The following PTDSS2 variants were observed in gnomAD, a reference collection of about 807,000 sequenced individuals.
PTDSS2 encodes the protein phosphatidylserine synthase 2.
PTDSS2 carries 41 observed loss-of-function variants against 64.7 expected under a neutral mutation model. That is an observed-to-expected ratio of 0.63 (90% CI 0.49 to 0.82). The LOEUF (loss-of-function observed/expected upper bound fraction) is 0.82, where lower values mean the gene tolerates loss of function less well. Ranked by LOEUF, PTDSS2 falls within the 40% of genes least tolerant of loss-of-function variation. The probability of loss-of-function intolerance (pLI) is 0.00; values close to 1 mark genes in which losing one functional copy is unlikely to be tolerated. For synonymous variants in PTDSS2, 297 were observed against 277.8 expected (o/e 1.07, Z -0.69); for missense variants, 485 against 650.0 (o/e 0.75, Z 2.76).
intron 2 of PTDSS2, among the ~76,000 whole-genome samples, chr11:465,099 G>C (rs1280354672): frequency 2.0e-5 from 3 of 152,190 alleles, no homozygotes; most frequent in Admixed American, 2.0e-4. Context: ...GAACATCCAC[G>C]TGCAAATCTA....
intron 2 of PTDSS2, among the ~76,000 whole-genome samples, chr11:471,694 C>G (rs7947963): frequency 7.3e-6 from 1 of 136,072 alleles, no homozygotes; most frequent in Non-Finnish European, 1.6e-5. Context: ...GCGCGCCTGT[C>G]GGGCGGATGG....
chr11:452,572 G>A (rs907632736), intron 1 of PTDSS2, among the ~76,000 whole-genome samples: 5 of 152,342 alleles, frequency 3.3e-5, no homozygotes, highest in Middle Eastern at 6.8e-3. Flanking sequence ...CTCCAGGAGC[G>A]GGTGCAGCGG....
chr11:459,962 T>C, intron 1 of PTDSS2: 1 of 539,854 alleles, frequency 1.9e-6, no homozygotes, highest in Non-Finnish European at 3.3e-6. Context: ...ACGGGGCTCT[T>C]CCTGTCCAGC....
Position 460,124 on chromosome 11 carries a change from A to G in PTDSS2, c.183-63A>G. On this transcript the variant is annotated intron_variant, in intron 1 of 11. Coordinates refer to ENST00000308020, the MANE Select transcript of PTDSS2 (RefSeq NM_030783.3). The surrounding 1 kb of genome is among the most constrained non-coding windows in gnomAD (Gnocchi z 5.8). ...ACGTAGAGAGGATTTGGGGCCTGTT[A>G]CGTGAGTATTTAGCAATGCTGCCCA... 5.3e-6 allele frequency: 7 copies of G among 1,317,942 alleles called. No individual in the cohort carries two copies. The highest frequency in any genetic ancestry group is 7.6e-6 in the Non-Finnish European group (7 of 916,008). The allele number at this position is 1,317,942 out of a possible 1,614,324, so 81.6% of individuals were successfully genotyped here.
intron 4 of PTDSS2, 102 bp from the exon 5 acceptor site, chr11:486,837 G>C: frequency 6.9e-7 from 1 of 1,442,956 alleles, no homozygotes. Flanking sequence ...GACAGAGCGA[G>C]ACTCCATCTC....
upstream of PTDSS2, chr11:448,495 CG>C (rs1846187480): frequency 6.6e-6 from 1 of 152,220 alleles, no homozygotes; most frequent in Non-Finnish European, 1.5e-5. Context: ...CCAGGCCTGT[CG>C]GGTGATTGCT....
intron 2 of PTDSS2, among the ~76,000 whole-genome samples, chr11:471,099 T>A (rs970529468): frequency 4.0e-4 from 26 of 64,594 alleles, no homozygotes; most frequent in African/African-American, 1.8e-3. Flanking sequence ...AAGTAATTCT[T>A]TTTTTTTTTT....
chr11:461,145 G>A lies in PTDSS2; in HGVS notation c.284+857G>A, dbSNP rs1846863432. The A allele has an allele frequency of 6.6e-6, 1 of 152,234 alleles. No individual in the cohort carries two copies. Among genetic ancestry groups the A allele is most frequent in the East Asian group, 1.9e-4 (1 of 5,180 alleles). The allele number at this position is 152,234 out of a possible 1,614,324, so 9.4% of individuals were successfully genotyped here. On this transcript the variant is annotated intron_variant, in intron 2 of 11. Coordinates refer to ENST00000308020, the MANE Select transcript of PTDSS2 (RefSeq NM_030783.3). This position sits in a 1 kb window ranked among gnomAD's most constrained non-coding sequence, Gnocchi z 4.2. ...GGCTCTGGTTGGCGGGAGCCCTGGG[G>A]TTTGTAGGACTTAGCTGTCCCTACA... is the stretch of plus-strand genomic sequence containing the variant.
chr11:490,525 C>G lies in PTDSS2; in HGVS notation c.1407C>G (p.Asp469Glu), dbSNP rs151055800. Residue 469 changes from aspartate to glutamate, a missense_variant, in exon 12 of 12, where the codon GAC becomes GAG. Physicochemically the swap from Asp to Glu is conservative, Grantham distance 45. Coordinates refer to ENST00000308020, the MANE Select transcript of PTDSS2 (RefSeq NM_030783.3). ...GNGDQHPLGL[D>E]EDLLGPGVAE... ...GGGACCAGCACCCACTGGGGCTGGA[C>G]GAAGACCTGCTGGGGCCTGGGGTGG... 3 of 1,612,448 alleles carry G rather than the reference C, an allele frequency of 1.9e-6. No individual in the cohort carries two copies. Among genetic ancestry groups the G allele is most frequent in the Non-Finnish European group, 2.5e-6 (3 of 1,179,680 alleles).
chr11:473,836 C>T (rs1363107025), intron 2 of PTDSS2, 59 bp from the exon 3 acceptor site: 1 of 1,340,310 alleles, frequency 7.5e-7, no homozygotes, highest in Non-Finnish European at 1.1e-6. Flanking sequence ...TGCAGCCTCC[C>T]ACCTCCCTCC....
At chr11:480,926 A>G (rs1340732196) in intron 4 of PTDSS2, among the ~76,000 whole-genome samples, 1 of 152,002 alleles carries the variant, frequency 6.6e-6, no homozygotes, top group Non-Finnish European at 1.5e-5. Flanking sequence ...ACTGAAAAAT[A>G]CTAAAAAATT....
rs202037656 is a variant in PTDSS2, at chr11:489,955, G to A, written c.1188G>A (p.Val396=). Residue 396 remains valine (V), a synonymous_variant, in exon 11 of 12, where the codon GTG becomes GTA. Coordinates refer to ENST00000308020, the MANE Select transcript of PTDSS2 (RefSeq NM_030783.3). ...AAITATELLI[V]VKYDPHTLTL... is the part of the protein sequence containing the mutation. ...TCACGGCCACGGAGCTGCTCATCGTGGTGAAGTACGACCCCCACACGCTCA... is the reference window on the plus strand; with the variant it reads ...TCACGGCCACGGAGCTGCTCATCGTAGTGAAGTACGACCCCCACACGCTCA... 2.5e-6 allele frequency: 4 copies of A among 1,611,298 alleles called. No homozygotes were observed. The African/African-American group carries it at 4.0e-5, about 16-fold the overall frequency.
chr11:451,725 G>C (rs1385906444), intron 1 of PTDSS2, among the ~76,000 whole-genome samples: 1 of 152,210 alleles, frequency 6.6e-6, no homozygotes, highest in East Asian at 1.9e-4. Context: ...ACCACAGACA[G>C]GGACTTAACC....
chr11:479,363 C>T lies in PTDSS2; in HGVS notation c.435+211C>T, dbSNP rs576282503. ...GGGCAGCAAAGCTAGACCTTCAAAACGTAGGCCGAGCTGCGGGGGGCCTCC... is the reference window on the plus strand; with the variant it reads ...GGGCAGCAAAGCTAGACCTTCAAAATGTAGGCCGAGCTGCGGGGGGCCTCC... On this transcript the variant is annotated intron_variant, in intron 4 of 11. Transcript: ENST00000308020. This position sits in a 1 kb window ranked among gnomAD's most constrained non-coding sequence, Gnocchi z 4.2. 4.6e-5 allele frequency: 28 copies of T among 605,070 alleles called. No individual in the cohort carries two copies. In the Admixed American group the frequency reaches 7.2e-4, roughly 16 times the overall value. The allele number at this position is 605,070 out of a possible 1,614,324, so 37.5% of individuals were successfully genotyped here. A position where few individuals can be genotyped will look rare whatever the true frequency, so the allele number is the denominator to read the frequency against.
chr11:463,365 A>G (rs1020127201), intron 2 of PTDSS2: 1 of 129,632 alleles, frequency 7.7e-6, no homozygotes, highest in East Asian at 2.5e-4. Flanking sequence ...GTAGCTGGGA[A>G]TACAGGGCCC....
intron 1 of PTDSS2, among the ~76,000 whole-genome samples, chr11:454,999 G>A (rs1211262735): frequency 6.6e-6 from 1 of 151,172 alleles, no homozygotes; most frequent in African/African-American, 2.4e-5. Flanking sequence ...CGAGGGTCAG[G>A]GTGGGGCCGA....
chr11:465,719 G>T (rs1382755810), intron 2 of PTDSS2, among the ~76,000 whole-genome samples: 1 of 151,078 alleles, frequency 6.6e-6, no homozygotes, highest in Non-Finnish European at 1.5e-5. Context: ...GAGGTCACAA[G>T]TTTGAGACCA....
At chr11:451,872 A>T (rs12275194) in intron 1 of PTDSS2, among the ~76,000 whole-genome samples, 20,238 of 152,124 alleles carry the variant, frequency 0.13, 1,351 homozygotes, top group Middle Eastern at 0.16. Flanking sequence ...AGGGCATCCG[A>T]GCTCTCCTTT....
Position 490,412 on chromosome 11 carries a change from C to G in PTDSS2, c.1302-8C>G. On this transcript the variant is annotated splice_polypyrimidine_tract_variant and splice_region_variant and intron_variant, in intron 11 of 11. Coordinates refer to ENST00000308020, the MANE Select transcript of PTDSS2 (RefSeq NM_030783.3). ...GGGCAGGTGGTGACGCTGCATCCCG[C>G]TCCCCAGGGACATCACATTGAGGTA... The G allele has an allele frequency of 6.2e-7, 1 of 1,613,068 alleles. No individual in the cohort carries two copies. The highest frequency in any genetic ancestry group is 2.2e-5 in the East Asian group (1 of 44,890).
Sources: allele counts gnomAD v4.1 joint callset (sites outside exome capture counted in the v4.1 genomes callset), GRCh38; gene constraint gnomAD v4.1.1; non-coding constraint Gnocchi (gnomAD v3.1); transcripts MANE v1.5; gene names NCBI Gene and HGNC (gene_info 2026-07-23, HGNC 2026-07-21).